ZDHHC17: variants seen among roughly 807,000 people sequenced by gnomAD.
ZDHHC17 encodes palmitoyltransferase ZDHHC17.
ZDHHC17 carries 40 observed loss-of-function variants against 90.3 expected under a neutral mutation model. That is an observed-to-expected ratio of 0.44 (90% CI 0.34 to 0.58). The LOEUF (loss-of-function observed/expected upper bound fraction) is 0.58, where lower values mean the gene tolerates loss of function less well. Ranked by LOEUF, ZDHHC17 falls within the 20% of genes least tolerant of loss-of-function variation. The pLI is 0.01. For missense variants in ZDHHC17, 614 were observed against 780.8 expected, an observed-to-expected ratio of 0.79 and a Z score of 2.55; for synonymous variants, 235 against 252.4, an observed-to-expected ratio of 0.93 and a Z score of 0.65.
chr12:76,765,421 TC>T (rs1368218399), intron 1 of ZDHHC17, among the ~76,000 whole-genome samples: 1 of 152,232 alleles, frequency 6.6e-6, no homozygotes, highest in Non-Finnish European at 1.5e-5. Context: ...ATGGGACAGT[TC>T]CTTCGGAATA....
At chr12:76,805,551 A>G (rs1466782850) in intron 3 of ZDHHC17, 112 bp downstream of exon 3, 4 of 995,084 alleles carry the variant, frequency 4.0e-6, no homozygotes. Context: ...GGCTTTTAGA[A>G]GATAGATTCT....
At chr12:76,799,662 T>A (rs1952863860) in intron 2 of ZDHHC17, among the ~76,000 whole-genome samples, 1 of 152,210 alleles carries the variant, frequency 6.6e-6, no homozygotes, top group South Asian at 2.1e-4. Flanking sequence ...TCTGAACAAT[T>A]TGATTTTAAG....
chr12:76,803,517 C>G (rs1400221394), intron 2 of ZDHHC17, among the ~76,000 whole-genome samples: 1 of 152,148 alleles, frequency 6.6e-6, no homozygotes, highest in Non-Finnish European at 1.5e-5. Flanking sequence ...ACTCAGCTCT[C>G]CATATACCCT....
intron 1 of ZDHHC17, among the ~76,000 whole-genome samples, chr12:76,777,515 G>GTAAACA (rs1952572621): frequency 6.6e-6 from 1 of 152,146 alleles, no homozygotes; most frequent in Non-Finnish European, 1.5e-5. Context: ...AAGTATTCAT[G>GTAAACA]TAAACATAAA....
intron 8 of ZDHHC17, among the ~76,000 whole-genome samples, chr12:76,824,094 TCA>T (rs1953200355): frequency 1.3e-5 from 2 of 151,142 alleles, no homozygotes; most frequent in African/African-American, 4.9e-5. Flanking sequence ...ATATGTATAT[TCA>T]CACACACACA....
At chr12:76,803,605 G>C (rs1430034115) in intron 2 of ZDHHC17, among the ~76,000 whole-genome samples, 1 of 152,194 alleles carries the variant, frequency 6.6e-6, no homozygotes, top group Non-Finnish European at 1.5e-5. Context: ...CGGGACTTGT[G>C]CTTTAGTCCA....
At position 76,797,771 on chromosome 12, in the gene ZDHHC17, C is replaced by T. The variant is rs1002529434; in HGVS notation, c.197+234C>T. ...CAGCCTGGCCGACATGGTGAAACCC[C>T]GTCTCTACTAAAAATACAAAAAATT... On this transcript the variant is annotated intron_variant, in intron 2 of 16. Coordinates refer to ENST00000426126, the MANE Select transcript of ZDHHC17 (RefSeq NM_015336.4). Among the ~76,000 whole-genome samples the T allele has an allele frequency of 8.6e-5, 13 of 151,998 alleles. No individual in the cohort carries two copies. In the East Asian group the frequency reaches 1.9e-3, roughly 23 times the overall value.
chr12:76,821,026 T>C, intron 7 of ZDHHC17: 2 of 1,247,832 alleles, frequency 1.6e-6, no homozygotes, highest in Non-Finnish European at 2.1e-6. Flanking sequence ...AGTTGAAAGA[T>C]ATTTTAAAGC....
chr12:76,808,453 A>G (rs1205254824), intron 3 of ZDHHC17, among the ~76,000 whole-genome samples: 6 of 152,122 alleles, frequency 3.9e-5, no homozygotes, highest in African/African-American at 1.4e-4. Flanking sequence ...CAACATAGTG[A>G]GATGCTATCT....
chr12:76,769,150 C>A, intron 1 of ZDHHC17: 1 of 353,216 alleles, frequency 2.8e-6, no homozygotes, highest in Admixed American at 3.3e-5. Context: ...CCTCAGCCTC[C>A]TGCGTTCAAG....
At position 76,853,037 on chromosome 12, in the gene ZDHHC17, G is replaced by T. The variant is rs1037956713; in HGVS notation, c.*2052G>T. Reference sequence around the variant, plus strand: ...TTATCAACAGTTAAAGACTATGGTGGTTTTTTCAGAGTTTGGCTAAGAATG... The same window carrying T: ...TTATCAACAGTTAAAGACTATGGTGTTTTTTTCAGAGTTTGGCTAAGAATG... On this transcript the variant is annotated 3_prime_UTR_variant, in exon 17 of 17. Coordinates refer to ENST00000426126, the MANE Select transcript of ZDHHC17 (RefSeq NM_015336.4). 6.6e-6 allele frequency: 1 copy of T among 152,232 alleles called. No individual in the cohort carries two copies. The highest frequency in any genetic ancestry group is 1.5e-5 in the Non-Finnish European group (1 of 68,004). The allele number at this position is 152,232 out of a possible 1,614,324, so 9.4% of individuals were successfully genotyped here.
Position 76,852,068 on chromosome 12 carries a change from C to T in ZDHHC17, c.*1083C>T, listed in dbSNP as rs1334568759. 6.6e-6 allele frequency: 1 copy of T among 152,586 alleles called. No individual in the cohort carries two copies. The highest frequency in any genetic ancestry group is 1.5e-5 in the Non-Finnish European group (1 of 68,022). 9.5% of individuals were successfully genotyped at this position (152,586 alleles called of 1,614,324 possible). On this transcript the variant is annotated 3_prime_UTR_variant, in exon 17 of 17. Coordinates refer to ENST00000426126, the MANE Select transcript of ZDHHC17 (RefSeq NM_015336.4). ...TAGAATTTCATCCCCAAGAGTATTT[C>T]AGTTTATCCAATATTGAGTAAGTTC...
At chr12:76,765,135 T>A (rs1411810922) in intron 1 of ZDHHC17, among the ~76,000 whole-genome samples, 4 of 152,202 alleles carry the variant, frequency 2.6e-5, no homozygotes, top group Admixed American at 2.6e-4. Flanking sequence ...TTTTTAGTGA[T>A]CCACAGTGAT....
Position 76,828,617 on chromosome 12 carries a change from T to C in ZDHHC17, c.1141+127T>C, listed in dbSNP as rs1299116488. 4 of 727,386 alleles carry C rather than the reference T, an allele frequency of 5.5e-6. No individual in the cohort carries two copies. The South Asian group carries it at 7.5e-5, about 14-fold the overall frequency. 45.1% of individuals were successfully genotyped at this position (727,386 alleles called of 1,614,324 possible). A position where few individuals can be genotyped will look rare whatever the true frequency, so the allele number is the denominator to read the frequency against. ...ACATTAAAATAGTGTTCCTAGAAAA[T>C]TTAGTAAACTAATATAAGTAATGTT... On this transcript the variant is annotated intron_variant, in intron 10 of 16. Transcript: ENST00000426126.
Position 76,797,481 on chromosome 12 carries a change from T to G in ZDHHC17, c.141T>G (p.Leu47=). ...SHYNHGYGEP[L]GRKTHIDDYS... is the part of the protein sequence containing the mutation. ...ATAACCATGGATATGGTGAACCTCT[T>G]GGACGGAAAACTCATATTGATGATT... The change falls in exon 2 of 17, where the codon CTT becomes CTG. Residue 47 remains leucine, a synonymous_variant. Coordinates refer to ENST00000426126, the MANE Select transcript of ZDHHC17 (RefSeq NM_015336.4). The G allele has an allele frequency of 6.2e-7, 1 of 1,611,432 alleles. No individual in the cohort carries two copies. Among genetic ancestry groups the G allele is most frequent in the Non-Finnish European group, 8.5e-7 (1 of 1,178,668 alleles).
intron 3 of ZDHHC17, among the ~76,000 whole-genome samples, chr12:76,807,148 A>G (rs1373434669): frequency 6.6e-6 from 1 of 152,254 alleles, no homozygotes; most frequent in East Asian, 1.9e-4. Context: ...CTATAATTCT[A>G]TTAAAAACTT....
At chr12:76,815,673 A>C (rs1953078356) in intron 6 of ZDHHC17, among the ~76,000 whole-genome samples, 184 bp from the exon 7 acceptor site, 1 of 151,910 alleles carries the variant, frequency 6.6e-6, no homozygotes, top group South Asian at 2.1e-4. Context: ...ATATGGTGTC[A>C]TACATACTTA....
At chr12:76,825,612 A>G (rs1219147681) in intron 8 of ZDHHC17, among the ~76,000 whole-genome samples, 1 of 152,188 alleles carries the variant, frequency 6.6e-6, no homozygotes, top group African/African-American at 2.4e-5. Context: ...CTCTAAGTTA[A>G]AATTACACAT....
intron 5 of ZDHHC17, among the ~76,000 whole-genome samples, chr12:76,812,951 G>A (rs763738607): frequency 4.6e-5 from 7 of 152,056 alleles, no homozygotes; most frequent in Non-Finnish European, 7.4e-5. Context: ...CTTCCTAATA[G>A]AGAATACCCA....
Sources: allele counts gnomAD v4.1 joint callset (sites outside exome capture counted in the v4.1 genomes callset), GRCh38; gene constraint gnomAD v4.1.1; transcripts MANE v1.5; gene names NCBI Gene and HGNC (gene_info 2026-07-23, HGNC 2026-07-21).